Variants in CATSPERE observed in about 807,000 individuals in gnomAD.
The protein encoded by CATSPERE is cation channel sperm-associated auxiliary subunit epsilon.
Under a neutral mutation model 114.1 loss-of-function variants are expected in CATSPERE, and 93 were observed. The ratio of observed to expected loss-of-function variants is 0.81; its 90% CI spans 0.69 to 0.97. The LOEUF (loss-of-function observed/expected upper bound fraction) is 0.97. Ranked by LOEUF, CATSPERE falls within the 50% of genes least tolerant of loss-of-function variation. The pLI is 0.00. For missense variants in CATSPERE, 1,058 were observed against 1,131.6 expected (o/e 0.93, Z 0.93); for synonymous variants, 341 against 384.1 (o/e 0.89, Z 1.31).
Position 244,561,038 on chromosome 1 carries a change from A to G in CATSPERE, c.1400A>G (p.Tyr467Cys), listed in dbSNP as rs199669905. The G allele has an allele frequency of 5.6e-5, 91 of 1,612,410 alleles. No individual in the cohort carries two copies. Among genetic ancestry groups the G allele is most frequent in the Non-Finnish European group, 7.4e-5 (87 of 1,178,648 alleles). ...GLLLWNKHSI[Y>C]YCYHNFTFTG... The stretch of plus-strand genomic sequence containing the variant: ...CTGCTATGGAACAAGCATAGTATCT[A>G]CTATTGTTACCATAATTTCACCTTT... The change falls in exon 10 of 22, where the codon TAC (tyrosine) becomes TGC (cysteine). Residue 467 changes from tyrosine (Y) to cysteine (C), a missense_variant. Tyr to Cys is a radical substitution (Grantham distance 194, BLOSUM62 -2). Transcript: ENST00000366534.
intron 1 of CATSPERE, 85 bp downstream of exon 1, chr1:244,461,579 T>G: frequency 8.6e-7 from 1 of 1,156,792 alleles, no homozygotes; most frequent in East Asian, 3.2e-5. Flanking sequence ...CTCCACCCCA[T>G]GCGCCTCGGG....
At chr1:244,452,077 C>G (rs900207147), upstream of CATSPERE, 2 of 319,688 alleles carry the variant, frequency 6.3e-6, no homozygotes, top group African/African-American at 2.2e-5. Context: ...GTGGCGGCAA[C>G]GGCCGCCACC....
At position 244,490,453 on chromosome 1, in the gene CATSPERE, CT is replaced by C. The variant is rs747060579; in HGVS notation, c.336del (p.Phe112LeufsTer32). ...TTCCTCTTTTTCCAAGCAGACATTT[CT>C]TTAACAACTTTACCCAGGTAAAATA... ...FLWYYRVRHF[F>X]NNFTQLITVW... On this transcript the variant is annotated frameshift_variant, in exon 6 of 22. Coordinates refer to ENST00000366534, the MANE Select transcript of CATSPERE (RefSeq NM_001130957.2). LOFTEE classifies it high-confidence loss of function. 6.5e-7 allele frequency: 1 copy of C among 1,538,122 alleles called. No homozygotes were observed. Among genetic ancestry groups the C allele is most frequent in the Admixed American group, 1.7e-5 (1 of 58,550 alleles).
intron 19 of CATSPERE, among the ~76,000 whole-genome samples, chr1:244,614,145 C>A (rs1050313135): frequency 5.9e-5 from 9 of 152,126 alleles, no homozygotes; most frequent in Admixed American, 5.9e-4. Flanking sequence ...TAAATTACTC[C>A]ATTTCAGGTG....
At chr1:244,512,752 A>C (rs1675975258) in intron 7 of CATSPERE, among the ~76,000 whole-genome samples, 1 of 152,070 alleles carries the variant, frequency 6.6e-6, no homozygotes. Context: ...TTTCCTTTGG[A>C]TATTTCTTCA....
intron 1 of CATSPERE, 85 bp from the exon 2 acceptor site, chr1:244,463,823 C>A: frequency 1.7e-6 from 2 of 1,207,534 alleles, no homozygotes; most frequent in Non-Finnish European, 2.4e-6. Context: ...CCTGGCAGCC[C>A]AGCTATGCCC....
intron 5 of CATSPERE, among the ~76,000 whole-genome samples, chr1:244,481,293 C>CA (rs1670226435): frequency 6.6e-6 from 1 of 151,868 alleles, no homozygotes; most frequent in African/African-American, 2.4e-5. Context: ...ATTAAAAATA[C>CA]AAAAAGAATT....
At position 244,461,520 on chromosome 1, in the gene CATSPERE, G is replaced by A. The variant is rs1368358687; in HGVS notation, c.65+26G>A. The A allele has an allele frequency of 5.4e-6, 7 of 1,284,720 alleles. No homozygotes were observed. In the Admixed American group the frequency reaches 1.2e-4, roughly 22 times the overall value. 79.6% of individuals were successfully genotyped at this position (1,284,720 alleles called of 1,614,324 possible). On this transcript the variant is annotated intron_variant, in intron 1 of 21. Transcript: ENST00000366534. ...GTAGAGAGACGCCAGTCGCAGGCGA[G>A]CGACTAGGCGGGGATTACCCCCGGC...
At chr1:244,636,130 C>T (rs1449035305) in intron 21 of CATSPERE, among the ~76,000 whole-genome samples, 1 of 152,186 alleles carries the variant, frequency 6.6e-6, no homozygotes, top group East Asian at 1.9e-4. Flanking sequence ...CATAGACCCT[C>T]ATTCTGATGC....
intron 2 of CATSPERE, among the ~76,000 whole-genome samples, chr1:244,474,976 TA>T (rs936665486): frequency 4.6e-5 from 7 of 151,996 alleles, no homozygotes; most frequent in African/African-American, 1.7e-4. Context: ...CTCCTGGGCT[TA>T]AGTGAGTTTT....
chr1:244,613,329 C>G (rs941513664), intron 19 of CATSPERE, among the ~76,000 whole-genome samples: 1 of 152,036 alleles, frequency 6.6e-6, no homozygotes, highest in Non-Finnish European at 1.5e-5. Flanking sequence ...TTTCATTAAC[C>G]CAACATATTG....
chr1:244,530,098 C>G (rs1679352960), intron 8 of CATSPERE, among the ~76,000 whole-genome samples: 1 of 152,074 alleles, frequency 6.6e-6, no homozygotes, highest in Admixed American at 6.6e-5. Flanking sequence ...AAGTGTGTGC[C>G]CACCACGCCC....
At chr1:244,553,857 C>T (rs1326619111) in intron 9 of CATSPERE, among the ~76,000 whole-genome samples, 1 of 152,126 alleles carries the variant, frequency 6.6e-6, no homozygotes, top group Non-Finnish European at 1.5e-5. Context: ...ACTCTAATAT[C>T]TATCATTCCA....
intron 5 of CATSPERE, among the ~76,000 whole-genome samples, chr1:244,482,216 C>CA (rs1480656913): frequency 6.6e-6 from 1 of 152,166 alleles, no homozygotes; most frequent in African/African-American, 2.4e-5. Flanking sequence ...CTTGTAATCT[C>CA]AATGTTTTGG....
At chr1:244,499,963 A>G (rs906610280) in intron 7 of CATSPERE, among the ~76,000 whole-genome samples, 2 of 152,222 alleles carry the variant, frequency 1.3e-5, no homozygotes, top group Non-Finnish European at 2.9e-5. Flanking sequence ...TCCCACCAAC[A>G]GTGTAAAAAC....
intron 17 of CATSPERE, among the ~76,000 whole-genome samples, chr1:244,603,355 A>G (rs368143280): frequency 1.4e-4 from 22 of 152,278 alleles, no homozygotes; most frequent in African/African-American, 2.4e-4. Flanking sequence ...CTCTTTCCCA[A>G]TTCCCAAAAT....
At chr1:244,635,405 T>G in intron 20 of CATSPERE, 84 bp from the exon 21 acceptor site, 1 of 967,620 alleles carries the variant, frequency 1.0e-6, no homozygotes, top group Non-Finnish European at 1.6e-6. Flanking sequence ...ATATATGGTT[T>G]GATTGTTACC....
At chr1:244,583,311 A>G (rs527710747) in intron 12 of CATSPERE, among the ~76,000 whole-genome samples, 1 of 152,262 alleles carries the variant, frequency 6.6e-6, no homozygotes, top group Non-Finnish European at 1.5e-5. Context: ...CCTGAACACA[A>G]AATGATTCTT....
chr1:244,461,507 C>G lies in CATSPERE; in HGVS notation c.65+13C>G. 6 of 1,302,828 alleles carry G rather than the reference C, an allele frequency of 4.6e-6. No individual in the cohort carries two copies. Among genetic ancestry groups the G allele is most frequent in the Non-Finnish European group, 5.9e-6 (6 of 1,016,476 alleles). The allele number at this position is 1,302,828 out of a possible 1,614,324, so 80.7% of individuals were successfully genotyped here. A position where few individuals can be genotyped will look rare whatever the true frequency, so the allele number is the denominator to read the frequency against. On this transcript the variant is annotated intron_variant, in intron 1 of 21. Coordinates refer to ENST00000366534, the MANE Select transcript of CATSPERE (RefSeq NM_001130957.2). ...CCGCCCTTTGGAGGTAGAGAGACGC[C>G]AGTCGCAGGCGAGCGACTAGGCGGG...
Sources: allele counts gnomAD v4.1 joint callset (sites outside exome capture counted in the v4.1 genomes callset), GRCh38; gene constraint gnomAD v4.1.1; transcripts MANE v1.5; gene names NCBI Gene and HGNC (gene_info 2026-07-23, HGNC 2026-07-21).